BCAS3: variants seen among roughly 807,000 people sequenced by gnomAD.
BCAS3 encodes BCAS4/BCAS3 fusion.
A neutral mutation model predicts 116.1 loss-of-function variants in BCAS3; 53 were observed. The observed-to-expected ratio is 0.46, with a 90% confidence interval of 0.37 to 0.57. BCAS3 has a LOEUF of 0.57. BCAS3 is among the 20% of genes least tolerant of loss of function. The pLI is 0.00. For synonymous variants in BCAS3, 391 were observed against 408.2 expected, an observed-to-expected ratio of 0.96 and a Z score of 0.51; for missense variants, 917 against 1,165.4, an observed-to-expected ratio of 0.79 and a Z score of 3.10.
rs1602037767 is a variant in BCAS3, at chr17:61,228,572, G to A, written c.2426-139755G>A. Among the ~76,000 whole-genome samples the A allele has an allele frequency of 2.0e-5, 3 of 152,278 alleles. No individual in the cohort carries two copies. In the South Asian group the frequency reaches 6.2e-4, roughly 32 times the overall value. On this transcript the variant is annotated intron_variant, in intron 22 of 23. Coordinates refer to ENST00000407086, the MANE Select transcript of BCAS3 (RefSeq NM_017679.5). This position sits in a 1 kb window ranked among gnomAD's most constrained non-coding sequence, Gnocchi z 5.0. ...GTCTCTGTGTCATACTATGGTAATT[G>A]TCACCAGCTTTCAAACTTTTGCATT... is the stretch of plus-strand genomic sequence containing the variant.
chr17:60,950,287 G>A (rs1045843825), intron 14 of BCAS3, among the ~76,000 whole-genome samples: 1 of 152,096 alleles, frequency 6.6e-6, no homozygotes, highest in African/African-American at 2.4e-5. Flanking sequence ...ACAAATAAGT[G>A]ACAGAAGACA....
intron 5 of BCAS3, among the ~76,000 whole-genome samples, chr17:60,732,407 G>A (rs9915887): frequency 0.013 from 1,922 of 152,224 alleles, 40 homozygotes; most frequent in African/African-American, 0.044. Context: ...ACTTAGGGAG[G>A]GTGGAGACTG....
rs115888662 is a variant in BCAS3 at position 61,263,133 on chromosome 17, G to A, written c.2426-105194G>A. 8.6e-3 allele frequency among the ~76,000 whole-genome samples: 1,311 copies of A among 152,340 alleles called. 19 individuals are homozygous for A. Among genetic ancestry groups the A allele is most frequent in the African/African-American group, 0.029 (1,223 of 41,592 alleles). ...AATGGCACACACAGAAGTGTTCACC[G>A]AGGGGAGTCAATGAAGGACCTGTTT... On this transcript the variant is annotated intron_variant, in intron 22 of 23. Transcript: ENST00000407086.
In BCAS3 at chr17:60,923,059, C is replaced by G. The variant is rs186702588; in HGVS notation, c.994-1348C>G. Among the ~76,000 whole-genome samples, 275 of 152,090 alleles carry G rather than the reference C, an allele frequency of 1.8e-3. 10 individuals are homozygous for G. The highest frequency in any genetic ancestry group is 0.018 in the Admixed American group (274 of 15,280). On this transcript the variant is annotated intron_variant, in intron 12 of 23. Coordinates refer to ENST00000407086, the MANE Select transcript of BCAS3 (RefSeq NM_017679.5). ...AAAAAGGAGCAAATTATAACCAATG[C>G]AAGACTAATGAAGCAAATAATAAAG...
chr17:61,191,069 AAAT>A (rs961341022), intron 22 of BCAS3, among the ~76,000 whole-genome samples: 1 of 151,830 alleles, frequency 6.6e-6, no homozygotes. Context: ...GACACTGTCA[AAAT>A]AATAATAATA....
rs553359125 is a variant in BCAS3 at position 60,966,896 on chromosome 17, C to G, written c.1221+19544C>G. On this transcript the variant is annotated intron_variant, in intron 14 of 23. Transcript: ENST00000407086. ...TCTTGATCTCCTGACCTCAAATGATCTGCCCTCTAAAAGTGCTGGGATTAC... is the reference window on the plus strand; with the variant it reads ...TCTTGATCTCCTGACCTCAAATGATGTGCCCTCTAAAAGTGCTGGGATTAC... 7.2e-5 allele frequency among the ~76,000 whole-genome samples: 11 copies of G among 152,204 alleles called. No homozygotes were observed. The South Asian group carries it at 2.3e-3, about 32-fold the overall frequency.
intron 18 of BCAS3, among the ~76,000 whole-genome samples, chr17:61,038,678 T>TG (rs1204005342): frequency 0.042 from 6,079 of 146,256 alleles, 492 homozygotes; most frequent in African/African-American, 0.14. Flanking sequence ...GTTTTTTTTT[T>TG]TTTTTTTTTG....
chr17:61,234,318 T>C (rs942102401), intron 22 of BCAS3, among the ~76,000 whole-genome samples: 1 of 152,126 alleles, frequency 6.6e-6, no homozygotes, highest in African/African-American at 2.4e-5. Flanking sequence ...GCTGAGCAGG[T>C]TGCAATTTTG....
chr17:61,301,702 AT>A (rs1286902737), intron 22 of BCAS3, among the ~76,000 whole-genome samples: 1 of 152,214 alleles, frequency 6.6e-6, no homozygotes, highest in Non-Finnish European at 1.5e-5. Flanking sequence ...TTCTGCCTAC[AT>A]TATAATTGAT....
At chr17:60,933,867 A>G (rs2059786960) in intron 13 of BCAS3, among the ~76,000 whole-genome samples, 1 of 152,166 alleles carries the variant, frequency 6.6e-6, no homozygotes, top group Non-Finnish European at 1.5e-5. Context: ...TTAGAAGAGG[A>G]TGTTTCCATA....
At chr17:60,816,721 T>A (rs1389053316) in intron 7 of BCAS3, among the ~76,000 whole-genome samples, 1 of 152,170 alleles carries the variant, frequency 6.6e-6, no homozygotes, top group Non-Finnish European at 1.5e-5. Context: ...AGAATTGCAA[T>A]TTGGGGCCAC....
intron 22 of BCAS3, among the ~76,000 whole-genome samples, chr17:61,273,309 C>T (rs2050471045): frequency 6.6e-6 from 1 of 151,844 alleles, no homozygotes; most frequent in African/African-American, 2.4e-5. Context: ...GGGGTTTTGC[C>T]ATGTTGCCCA....
chr17:61,001,916 G>A (rs1042159206), intron 15 of BCAS3, among the ~76,000 whole-genome samples: 2 of 152,114 alleles, frequency 1.3e-5, no homozygotes, highest in African/African-American at 4.8e-5. Context: ...ATAGAAAAGA[G>A]TGACCTCATA....
chr17:60,975,745 G>T (rs550617384), intron 14 of BCAS3, among the ~76,000 whole-genome samples: 1 of 152,168 alleles, frequency 6.6e-6, no homozygotes, highest in African/African-American at 2.4e-5. Context: ...TTCTGTATCT[G>T]TGGATTTGCT....
At chr17:61,194,155 AGAG>A (rs2080331165) in intron 22 of BCAS3, among the ~76,000 whole-genome samples, 1 of 152,018 alleles carries the variant, frequency 6.6e-6, no homozygotes, top group Non-Finnish European at 1.5e-5. Flanking sequence ...AGGGGAGGGG[AGAG>A]GAGGGGAATC....
At position 61,208,416 on chromosome 17, in the gene BCAS3, A is replaced by G. The variant is rs959619881; in HGVS notation, c.2425+123852A>G. On this transcript the variant is annotated intron_variant, in intron 22 of 23. Transcript: ENST00000407086. This position sits in a 1 kb window ranked among gnomAD's most constrained non-coding sequence, Gnocchi z 4.5. ...CATTATTAATGATTAATCTTGAAGC[A>G]CCGAAGAAATGAAATGTGCTAGTAA... Among the ~76,000 whole-genome samples, 4 of 152,200 alleles carry G rather than the reference A, an allele frequency of 2.6e-5. No homozygotes were observed. The highest frequency in any genetic ancestry group is 7.2e-5 in the African/African-American group (3 of 41,448).
At chr17:61,168,192 T>TAA (rs2078629963) in intron 22 of BCAS3, among the ~76,000 whole-genome samples, 3 of 152,168 alleles carry the variant, frequency 2.0e-5, no homozygotes, top group African/African-American at 7.2e-5. Context: ...TTGATTTCTC[T>TAA]AACTCTAGAC....
At chr17:60,868,784 A>T (rs1567750877) in intron 8 of BCAS3, 101 bp downstream of exon 8, 1 of 623,142 alleles carries the variant, frequency 1.6e-6, no homozygotes. Context: ...ATTTATTTTT[A>T]AAAATCTCAA....
At chr17:61,209,112 G>A (rs1228714196) in intron 22 of BCAS3, among the ~76,000 whole-genome samples, 2 of 146,604 alleles carry the variant, frequency 1.4e-5, no homozygotes, top group African/African-American at 5.1e-5. Context: ...AAATGGTTCA[G>A]TAAAAACATA....
Sources: gnomAD v4.1 joint callset for allele counts (sites outside exome capture counted in the v4.1 genomes callset) on GRCh38, gnomAD v4.1.1 for gene constraint, Gnocchi (gnomAD v3.1) non-coding constraint, MANE v1.5 for transcripts, NCBI Gene and HGNC (gene_info 2026-07-23, HGNC 2026-07-21) for gene names.